The following TUBA1C variants were observed in gnomAD, a reference collection of about 807,000 sequenced individuals.
TUBA1C encodes the protein tubulin alpha-1C chain.
TUBA1C carries 16 observed loss-of-function variants against 34.9 expected under a neutral mutation model. The ratio of observed to expected loss-of-function variants is 0.46; its 90% CI spans 0.31 to 0.70. The LOEUF is 0.70. TUBA1C is among the 30% of genes least tolerant of loss of function. The probability of loss-of-function intolerance (pLI) is 0.05; values close to 1 mark genes in which losing one functional copy is unlikely to be tolerated. For synonymous variants in TUBA1C, 177 were observed against 215.9 expected (o/e 0.82, Z 1.58); for missense variants, 329 against 587.3 (o/e 0.56, Z 4.55).
rs1278415327 is a variant in TUBA1C at position 49,269,473 on chromosome 12, C to T, written c.12C>T (p.Cys4=). 3.1e-6 allele frequency: 5 copies of T among 1,614,104 alleles called. No individual in the cohort carries two copies. In the African/African-American group the frequency reaches 5.3e-5, roughly 17 times the overall value. Residue 4 remains cysteine, a synonymous_variant, in exon 2 of 4, where the codon TGC becomes TGT. Coordinates refer to ENST00000301072, the MANE Select transcript of TUBA1C (RefSeq NM_032704.5). ...CTTTCTTCCTCCCACAGCGTGAGTG[C>T]ATCTCCATCCACGTTGGCCAGGCTG... The part of the protein sequence containing the change: MRE[C]ISIHVGQAGV...
intron 1 of TUBA1C, among the ~76,000 whole-genome samples, chr12:49,258,591 C>T (rs557636121): frequency 6.6e-6 from 1 of 151,918 alleles, no homozygotes; most frequent in East Asian, 1.9e-4. Context: ...CAACGCCTGG[C>T]TAATTTTTGT....
At chr12:49,265,532 T>G (rs1942895964) in intron 1 of TUBA1C, among the ~76,000 whole-genome samples, 1 of 152,184 alleles carries the variant, frequency 6.6e-6, no homozygotes, top group South Asian at 2.1e-4. Flanking sequence ...CCCCACGTTT[T>G]CTCAAGCGAC....
At chr12:49,228,264 AT>A in intron 1 of TUBA1C, 1 of 1,178,946 alleles carries the variant, frequency 8.5e-7, no homozygotes, top group Non-Finnish European at 1.2e-6. Flanking sequence ...ATTTGCTCCT[AT>A]TTATTGTTTC....
At chr12:49,238,319 A>G (rs142607714) in intron 1 of TUBA1C, among the ~76,000 whole-genome samples, 1 of 152,316 alleles carries the variant, frequency 6.6e-6, no homozygotes, top group Admixed American at 6.5e-5. Context: ...AACAATCAAC[A>G]CAGAATACTT....
chr12:49,243,510 A>T (rs921641143), intron 1 of TUBA1C, among the ~76,000 whole-genome samples: 32 of 152,174 alleles, frequency 2.1e-4, no homozygotes, highest in African/African-American at 6.5e-4. Flanking sequence ...CTCCTCCGTC[A>T]GTCATGATGC....
chr12:49,273,305 T>C lies in TUBA1C; in HGVS notation c.*78T>C, dbSNP rs780090387. 3.7e-6 allele frequency: 6 copies of C among 1,611,352 alleles called. No homozygotes were observed. The South Asian group carries it at 5.5e-5, about 15-fold the overall frequency. On this transcript the variant is annotated 3_prime_UTR_variant, in exon 4 of 4. Transcript: ENST00000301072. ...TCTGTAAATGTCTATTGCCGTAAATTGTTAATAAAATTGAAGTTTCCATTT... is the reference window on the plus strand; with the variant it reads ...TCTGTAAATGTCTATTGCCGTAAATCGTTAATAAAATTGAAGTTTCCATTT...
intron 1 of TUBA1C, among the ~76,000 whole-genome samples, chr12:49,257,055 C>CTATA (rs1942791327): frequency 6.6e-6 from 1 of 151,016 alleles, no homozygotes; most frequent in Non-Finnish European, 1.5e-5. Flanking sequence ...TGGTGGGCGC[C>CTATA]TATAATCCCA....
intron 1 of TUBA1C, among the ~76,000 whole-genome samples, chr12:49,229,290 A>T (rs1318650003): frequency 6.6e-6 from 1 of 152,114 alleles, no homozygotes; most frequent in Non-Finnish European, 1.5e-5. Context: ...TCTTTGCCTC[A>T]GCCTCCCGAA....
In TUBA1C at chr12:49,269,959, G is replaced by A. The variant is rs780247670; in HGVS notation, c.358G>A (p.Asp120Asn). Residue 120 changes from aspartate (D) to asparagine (N), a missense_variant, in exon 3 of 4, where the codon GAC (aspartate) becomes AAC (asparagine). This residue lies in a region of TUBA1C where 152 missense variants were observed against 240.3 expected (regional missense o/e 0.63). Coordinates refer to ENST00000301072, the MANE Select transcript of TUBA1C (RefSeq NM_032704.5). ...CAAGGAGATCATTGACCTCGTGTTG[G>A]ACCGAATTCGCAAGCTGGTAAGTAT... ...IGKEIIDLVLDRIRKLADQCT... is the reference protein window; with the variant it reads ...IGKEIIDLVLNRIRKLADQCT... The A allele has an allele frequency of 6.2e-7, 1 of 1,614,224 alleles. No homozygotes were observed. Among genetic ancestry groups the A allele is most frequent in the South Asian group, 1.1e-5 (1 of 91,082 alleles).
chr12:49,244,263 A>G (rs931855737), intron 1 of TUBA1C, among the ~76,000 whole-genome samples: 3 of 152,014 alleles, frequency 2.0e-5, no homozygotes, highest in African/African-American at 7.2e-5. Context: ...ACCACTCACC[A>G]CAGTATTTTC....
At position 49,269,544 on chromosome 12, in the gene TUBA1C, A is replaced by C; in HGVS notation, c.83A>C (p.His28Pro). 6.2e-7 allele frequency: 1 copy of C among 1,614,206 alleles called. No individual in the cohort carries two copies. The highest frequency in any genetic ancestry group is 2.2e-5 in the East Asian group (1 of 44,888). ...NACWELYCLE[H>P]GIQPDGQMPS... ...TGCTGGGAGCTCTACTGCCTGGAAC[A>C]CGGCATCCAGCCCGATGGCCAGATG... Residue 28 changes from histidine to proline, a missense_variant, in exon 2 of 4, where the codon CAC becomes CCC. By Grantham distance (77) the His-to-Pro change is moderately conservative. This residue lies in a region of TUBA1C where 152 missense variants were observed against 240.3 expected (regional missense o/e 0.63). Coordinates refer to ENST00000301072, the MANE Select transcript of TUBA1C (RefSeq NM_032704.5).
At chr12:49,265,079 T>TA, upstream of TUBA1C, 1 of 1,432,464 alleles carries the variant, frequency 7.0e-7, no homozygotes, top group South Asian at 1.6e-5. Context: ...CGGCCACCCT[T>TA]TCACTACTTC....
chr12:49,260,848 A>C (rs1942833810), upstream of TUBA1C, among the ~76,000 whole-genome samples: 1 of 152,082 alleles, frequency 6.6e-6, no homozygotes, highest in African/African-American at 2.4e-5. Flanking sequence ...CTCCCACTAA[A>C]GCCTTCCGAG....
intron 1 of TUBA1C, among the ~76,000 whole-genome samples, chr12:49,255,409 T>A (rs3894680): frequency 0.066 from 9,271 of 141,304 alleles, 353 homozygotes; most frequent in African/African-American, 0.12. Context: ...TTAAAAAATA[T>A]ATATATATAT....
intron 1 of TUBA1C, among the ~76,000 whole-genome samples, chr12:49,237,497 C>G (rs905254504): frequency 4.6e-5 from 7 of 151,676 alleles, no homozygotes; most frequent in African/African-American, 1.7e-4. Context: ...AATCCCAACA[C>G]TTTGGGAGGC....
intron 1 of TUBA1C, among the ~76,000 whole-genome samples, chr12:49,268,997 T>C (rs945058675): frequency 1.3e-5 from 2 of 152,244 alleles, no homozygotes; most frequent in Non-Finnish European, 2.9e-5. Context: ...TTTTGCTGAA[T>C]TAGGTCTTCA....
At chr12:49,240,151 C>G (rs889502949) in intron 1 of TUBA1C, among the ~76,000 whole-genome samples, 2 of 151,802 alleles carry the variant, frequency 1.3e-5, no homozygotes, top group East Asian at 3.9e-4. Flanking sequence ...TATAAAAAGG[C>G]TGCCCACTCC....
At chr12:49,235,600 T>G (rs1304238177) in intron 1 of TUBA1C, among the ~76,000 whole-genome samples, 1 of 152,058 alleles carries the variant, frequency 6.6e-6, no homozygotes, top group Non-Finnish European at 1.5e-5. Context: ...CTGGGCCTGG[T>G]GGTGCGCGCC....
intron 1 of TUBA1C, among the ~76,000 whole-genome samples, chr12:49,239,929 T>C (rs1165428841): frequency 6.6e-6 from 1 of 152,132 alleles, no homozygotes; most frequent in South Asian, 2.1e-4. Flanking sequence ...CAGTGGGATA[T>C]TCCACTTGTG....
Sources: allele counts gnomAD v4.1 joint callset (sites outside exome capture counted in the v4.1 genomes callset), GRCh38; gene constraint gnomAD v4.1.1; regional missense constraint gnomAD v4.1.1; transcripts MANE v1.5; gene names NCBI Gene and HGNC (gene_info 2026-07-23, HGNC 2026-07-21).